The following KNL1 variants were observed in gnomAD, a reference collection of about 807,000 sequenced individuals.
KNL1 encodes the protein kinetochore scaffold 1, also known as outer kinetochore KNL1 complex subunit KNL1.
A neutral mutation model predicts 201.3 loss-of-function variants in KNL1; 66 were observed. The observed-to-expected ratio is 0.33, with a 90% CI of 0.27 to 0.40. The LOEUF (loss-of-function observed/expected upper bound fraction) is 0.40, where lower values mean the gene tolerates loss of function less well. Among genes scored for constraint, KNL1 ranks in the 10% least tolerant of loss-of-function variants. The pLI, the probability that KNL1 is intolerant of heterozygous loss-of-function variation, is 1.00. For missense variants in KNL1, 2,815 were observed against 2,690.5 expected, an observed-to-expected ratio of 1.05 and a Z score of -1.02; for synonymous variants, 895 against 899.2, an observed-to-expected ratio of 1.00 and a Z score of 0.08.
At chr15:40,619,960 T>TA (rs1317798049) in intron 9 of KNL1, among the ~76,000 whole-genome samples, 9 of 152,094 alleles carry the variant, frequency 5.9e-5, no homozygotes, top group African/African-American at 2.2e-4. Context: ...GATTGGGTAT[T>TA]ACTCTGTTGC....
intron 5 of KNL1, 29 bp downstream of exon 5, chr15:40,608,937 A>G: frequency 6.7e-7 from 1 of 1,489,422 alleles, no homozygotes. Context: ...TAACTAAAAT[A>G]TTATAGGTAC....
chr15:40,654,731 T>C (rs540603819), intron 21 of KNL1, among the ~76,000 whole-genome samples, 178 bp from the exon 22 acceptor site: 1 of 151,674 alleles, frequency 6.6e-6, no homozygotes, highest in Non-Finnish European at 1.5e-5. Context: ...TAGCCAGGTG[T>C]GGTGGCGGGC....
intron 17 of KNL1, among the ~76,000 whole-genome samples, chr15:40,649,811 C>T (rs182114124): frequency 1.3e-3 from 197 of 152,306 alleles, no homozygotes; most frequent in African/African-American, 4.6e-3. Flanking sequence ...CGTTCTCTTT[C>T]TGTTTTTCAC....
In KNL1 at chr15:40,624,880, C is replaced by G. The variant is rs1361413627; in HGVS notation, c.4616C>G (p.Ala1539Gly). The part of the protein sequence containing the change: ...TKQVIQTHVN[A>G]GEAPDPVITS... ...CAAGTCATTCAAACTCATGTCAATG[C>G]TGGAGAAGCACCAGATCCTGTAATT... Residue 1539 changes from alanine to glycine, a missense_variant, in exon 10 of 26, where the codon GCT becomes GGT. By Grantham distance (60) the Ala-to-Gly change is moderately conservative (BLOSUM62 0). Around this residue, in one of 3 missense-constraint regions of KNL1, gnomAD observed 2,464 missense variants for 2,291.7 expected, o/e 1.08. Coordinates refer to ENST00000399668, the MANE Select transcript of KNL1 (RefSeq NM_144508.5). The G allele has an allele frequency of 6.2e-7, 1 of 1,612,374 alleles. No homozygotes were observed. Among genetic ancestry groups the G allele is most frequent in the Non-Finnish European group, 8.5e-7 (1 of 1,179,654 alleles).
chr15:40,636,205 G>A (rs191027359), intron 13 of KNL1, among the ~76,000 whole-genome samples: 1 of 152,266 alleles, frequency 6.6e-6, no homozygotes, highest in East Asian at 1.9e-4. Flanking sequence ...TGTATAAGTT[G>A]GACACTACTT....
chr15:40,628,005 A>G (rs1344137250), intron 10 of KNL1, 65 bp from the exon 11 acceptor site: 22 of 1,034,706 alleles, frequency 2.1e-5, no homozygotes, highest in Non-Finnish European at 2.4e-5. Flanking sequence ...TATTTCTGTT[A>G]GTGTTTGTCG....
intron 8 of KNL1, chr15:40,616,019 C>G (rs1468355052): frequency 6.6e-6 from 1 of 150,686 alleles, no homozygotes; most frequent in African/African-American, 2.4e-5. Context: ...ACCGCCTTGG[C>G]CTCCCAAAGT....
chr15:40,616,297 T>G (rs1394950637), intron 8 of KNL1, among the ~76,000 whole-genome samples: 1 of 151,654 alleles, frequency 6.6e-6, no homozygotes, highest in Admixed American at 6.6e-5. Flanking sequence ...CTAATTTTTT[T>G]TGTATTTTTA....
At chr15:40,660,873 G>A (rs1293115902) in intron 25 of KNL1, among the ~76,000 whole-genome samples, 1 of 152,112 alleles carries the variant, frequency 6.6e-6, no homozygotes, top group African/African-American at 2.4e-5. Context: ...TGAGGTGGGA[G>A]GATTGCTTGA....
In KNL1 at chr15:40,601,132, C is replaced by T. The variant is rs531093603; in HGVS notation, c.-17-1783C>T. On this transcript the variant is annotated intron_variant, in intron 1 of 25. Transcript: ENST00000399668. ...CCAGCATTAGCGGCCTGAGCTCCGCCTTCTGTCGGATCAGCAGTGGCATTT... is the reference window on the plus strand; with the variant it reads ...CCAGCATTAGCGGCCTGAGCTCCGCTTTCTGTCGGATCAGCAGTGGCATTT... Among the ~76,000 whole-genome samples, 29 of 152,344 alleles carry T rather than the reference C, an allele frequency of 1.9e-4. 1 individual carries two copies. The highest frequency in any genetic ancestry group is 7.0e-4 in the African/African-American group (29 of 41,582).
In KNL1 at chr15:40,655,020, G is replaced by A; in HGVS notation, c.6484+43G>A. ...AAGCCTCTAAAAATTTGTTGGGGCTGGGCACTATGGCTCATGCCTTTAATC... is the reference window on the plus strand; with the variant it reads ...AAGCCTCTAAAAATTTGTTGGGGCTAGGCACTATGGCTCATGCCTTTAATC... On this transcript the variant is annotated intron_variant, in intron 22 of 25. Coordinates refer to ENST00000399668, the MANE Select transcript of KNL1 (RefSeq NM_144508.5). 3 of 1,450,140 alleles carry A rather than the reference G, an allele frequency of 2.1e-6. No homozygotes were observed. In the South Asian group the frequency reaches 3.4e-5, roughly 17 times the overall value. The allele number at this position is 1,450,140 out of a possible 1,614,324, so 89.8% of individuals were successfully genotyped here.
chr15:40,644,918 T>G lies in KNL1; in HGVS notation c.5799-79T>G, dbSNP rs1893340309. On this transcript the variant is annotated intron_variant, in intron 14 of 25. Transcript: ENST00000399668. ...TTTTCCAAATGGAGTCTCTTACGTC[T>G]TTCCTTTCTACATAGACACAGTAAC... 1.7e-5 allele frequency: 12 copies of G among 719,726 alleles called. No homozygotes were observed. In the South Asian group the frequency reaches 2.6e-4, roughly 15 times the overall value. 44.6% of individuals were successfully genotyped at this position (719,726 alleles called of 1,614,324 possible).
At chr15:40,627,124 ATC>A (rs1567011915) in intron 10 of KNL1, among the ~76,000 whole-genome samples, 3 of 152,148 alleles carry the variant, frequency 2.0e-5, no homozygotes. Context: ...TAAACTCCTG[ATC>A]TCAAGTGATC....
chr15:40,598,299 G>C (rs1891680135), intron 1 of KNL1, among the ~76,000 whole-genome samples: 1 of 152,156 alleles, frequency 6.6e-6, no homozygotes, highest in Non-Finnish European at 1.5e-5. Flanking sequence ...GGCTGGGCCT[G>C]CTGGCTTATA....
In KNL1 at chr15:40,621,777, A is replaced by C. The variant is rs1188377507; in HGVS notation, c.1513A>C (p.Asn505His). The C allele has an allele frequency of 3.7e-6, 6 of 1,614,004 alleles. No homozygotes were observed. In the East Asian group the frequency reaches 1.3e-4, roughly 36 times the overall value. The part of the protein sequence containing the change: ...DNQIFKQDQS[N>H]VQIAAAPTPE... ...TCAAATTTTTAAACAAGATCAATCAAATGTGCAAATAGCAGCTGCACCAAC... is the reference window on the plus strand; with the variant it reads ...TCAAATTTTTAAACAAGATCAATCACATGTGCAAATAGCAGCTGCACCAAC... Residue 505 changes from asparagine to histidine, a missense_variant, in exon 10 of 26, where the codon AAT becomes CAT. Physicochemically the swap from Asn to His is moderately conservative, Grantham distance 68. Transcript: ENST00000399668.
At chr15:40,659,733 G>C (rs1893849802) in intron 25 of KNL1, among the ~76,000 whole-genome samples, 1 of 152,018 alleles carries the variant, frequency 6.6e-6, no homozygotes, top group Non-Finnish European at 1.5e-5. Flanking sequence ...GCCCACCTCG[G>C]CCTCCCAAAG....
At chr15:40,641,179 C>T (rs1367858676) in intron 14 of KNL1, 152 bp downstream of exon 14, 6 of 549,562 alleles carry the variant, frequency 1.1e-5, no homozygotes, top group African/African-American at 1.9e-5. Flanking sequence ...GCTTTGGCCT[C>T]GTAGTCAGAT....
chr15:40,612,113 C>T (rs1029521893), intron 7 of KNL1, among the ~76,000 whole-genome samples: 2 of 151,994 alleles, frequency 1.3e-5, no homozygotes, highest in Non-Finnish European at 2.9e-5. Context: ...GTCAGGAGAT[C>T]GAGACCATCC....
chr15:40,619,861 G>A (rs1042342157), intron 9 of KNL1, among the ~76,000 whole-genome samples: 1 of 152,158 alleles, frequency 6.6e-6, no homozygotes, highest in Non-Finnish European at 1.5e-5. Flanking sequence ...TCTAGTGGGT[G>A]TATAATTAAC....
Sources: gnomAD v4.1 joint callset for allele counts (sites outside exome capture counted in the v4.1 genomes callset) on GRCh38, gnomAD v4.1.1 for gene constraint, gnomAD v4.1.1 regional missense constraint, MANE v1.5 for transcripts, NCBI Gene and HGNC (gene_info 2026-07-23, HGNC 2026-07-21) for gene names.